APBA1: variants seen among roughly 807,000 people sequenced by gnomAD.
APBA1 encodes amyloid-beta A4 precursor protein-binding family A member 1.
A neutral mutation model predicts 86.6 loss-of-function variants in APBA1; 55 were observed. The ratio of observed to expected loss-of-function variants is 0.64; its 90% CI spans 0.51 to 0.80. The LOEUF (loss-of-function observed/expected upper bound fraction) is 0.80. Among genes scored for constraint, APBA1 ranks in the 30% least tolerant of loss-of-function variants. The pLI is 0.00. For synonymous variants in APBA1, 511 were observed against 493.9 expected, an observed-to-expected ratio of 1.03 and a Z score of -0.46; for missense variants, 1,090 against 1,183.0, an observed-to-expected ratio of 0.92 and a Z score of 1.15.
Position 69,456,264 on chromosome 9 carries a change from C to T in APBA1, c.1771G>A (p.Val591Ile), listed in dbSNP as rs751164226. 1.3e-4 allele frequency: 216 copies of T among 1,614,110 alleles called. No individual in the cohort carries two copies. The highest frequency in any genetic ancestry group is 4.3e-4 in the South Asian group (39 of 91,084). ...GKRQYKMICH[V>I]FESEDAQLIA... ...ACCCTTACATCCTCAGACTCGAAGA[C>T]GTGGCAGATCATCTTGTACTGCCTT... The change falls in exon 8 of 13, where the codon GTC (valine) becomes ATC (isoleucine). Residue 591 changes from valine (V) to isoleucine (I), a missense_variant. Val to Ile is a conservative substitution (Grantham distance 29). Coordinates refer to ENST00000265381, the MANE Select transcript of APBA1 (RefSeq NM_001163.4).
intron 2 of APBA1, among the ~76,000 whole-genome samples, chr9:69,510,460 T>C (rs1836015263): frequency 7.3e-6 from 1 of 137,402 alleles, no homozygotes; most frequent in Non-Finnish European, 1.6e-5. Flanking sequence ...TGCTCATGGG[T>C]AGGAAGAATC....
chr9:69,488,063 C>A (rs1248479351), intron 2 of APBA1, among the ~76,000 whole-genome samples: 1 of 152,066 alleles, frequency 6.6e-6, no homozygotes, highest in African/African-American at 2.4e-5. Context: ...TTTCTCAAAC[C>A]AGCTGCTGAC....
chr9:69,525,488 T>C (rs1836327816), intron 1 of APBA1, among the ~76,000 whole-genome samples: 1 of 151,830 alleles, frequency 6.6e-6, no homozygotes, highest in Non-Finnish European at 1.5e-5. Flanking sequence ...CAAATACCTG[T>C]GCCCCCCACC....
intron 1 of APBA1, among the ~76,000 whole-genome samples, chr9:69,661,496 T>C (rs1038016039): frequency 4.6e-5 from 7 of 152,202 alleles, no homozygotes; most frequent in African/African-American, 1.7e-4. Context: ...TCACTGTTGA[T>C]GGCTAATTAT....
intron 1 of APBA1, among the ~76,000 whole-genome samples, chr9:69,611,285 G>GAAAAAAAAAAAAAAAAAAAAAAAA (rs56357426): frequency 1.8e-5 from 2 of 111,912 alleles, no homozygotes; most frequent in Non-Finnish European, 1.8e-5. Flanking sequence ...ACCAGAAAAG[G>GAAAAAAAAAAAAAAAAAAAAAAAA]AAAAAAAAAA....
chr9:69,502,425 C>G (rs781131613), intron 2 of APBA1, among the ~76,000 whole-genome samples: 12 of 150,338 alleles, frequency 8.0e-5, no homozygotes, highest in Non-Finnish European at 1.6e-4. Context: ...GTTTTTTTTT[C>G]CTTGATTGAA....
At chr9:69,625,900 A>C (rs1213394187) in intron 1 of APBA1, among the ~76,000 whole-genome samples, 1 of 152,162 alleles carries the variant, frequency 6.6e-6, no homozygotes, top group East Asian at 1.9e-4. Context: ...TTAATTCTTA[A>C]GCACATTCTT....
At chr9:69,541,760 A>G (rs1836617631) in intron 1 of APBA1, among the ~76,000 whole-genome samples, 1 of 152,184 alleles carries the variant, frequency 6.6e-6, no homozygotes, top group South Asian at 2.1e-4. Context: ...AAAGGTTCCC[A>G]ATAAAAAGAG....
chr9:69,618,364 T>G (rs1363150743), intron 1 of APBA1, among the ~76,000 whole-genome samples: 2 of 152,340 alleles, frequency 1.3e-5, no homozygotes, highest in East Asian at 3.9e-4. Flanking sequence ...TTAGTGTGTT[T>G]GCGCGATGCA....
At chr9:69,651,918 A>G (rs139147213) in intron 1 of APBA1, among the ~76,000 whole-genome samples, 69 of 152,350 alleles carry the variant, frequency 4.5e-4, no homozygotes, top group African/African-American at 1.6e-3. Flanking sequence ...CAAACCCCCA[A>G]TGTGACTGCA....
chr9:69,572,956 GA>G (rs1159896324), intron 1 of APBA1, among the ~76,000 whole-genome samples: 1 of 152,110 alleles, frequency 6.6e-6, no homozygotes, highest in Admixed American at 6.5e-5. Context: ...GGGGTGGGGA[GA>G]GGTATTTATA....
At chr9:69,481,700 A>G (rs1388900805) in intron 2 of APBA1, among the ~76,000 whole-genome samples, 1 of 150,960 alleles carries the variant, frequency 6.6e-6, no homozygotes, top group East Asian at 1.9e-4. Context: ...TGGAGGCATC[A>G]CAATACCTGA....
chr9:69,522,336 C>G (rs941550079), intron 1 of APBA1, among the ~76,000 whole-genome samples: 2 of 140,476 alleles, frequency 1.4e-5, no homozygotes, highest in Non-Finnish European at 3.1e-5. Context: ...GCCTTATAGA[C>G]TTCTAGACAT....
At position 69,658,270 on chromosome 9, in the gene APBA1, TTCTTTCTTTCTTTC is replaced by T. The variant is rs1236602499; in HGVS notation, c.-70+13869_-70+13882del. ...TTTCTTTCTTTCTTTCTTTCTTTCT[TTCTTTCTTTCTTTC>T]TCTCTCTCTTTCTCTCTCTCTCTTT... On this transcript the variant is annotated intron_variant, in intron 1 of 12. Transcript: ENST00000265381. Among the ~76,000 whole-genome samples the T allele has an allele frequency of 2.3e-3, 186 of 79,600 alleles. 6 individuals are homozygous for T. The highest frequency in any genetic ancestry group is 8.1e-3 in the African/African-American group (177 of 21,780). The allele number at this position is 79,600 out of a possible 152,430, so 52.2% of individuals were successfully genotyped here.
chr9:69,646,633 C>G (rs1211601593), intron 1 of APBA1, among the ~76,000 whole-genome samples: 3 of 152,210 alleles, frequency 2.0e-5, no homozygotes, highest in Non-Finnish European at 4.4e-5. Flanking sequence ...AGGGGGCATT[C>G]TGGTCTGCTC....
chr9:69,460,076 G>T (rs545707254), intron 5 of APBA1, among the ~76,000 whole-genome samples: 1 of 152,168 alleles, frequency 6.6e-6, no homozygotes, highest in East Asian at 1.9e-4. Flanking sequence ...AAGCTCCTCT[G>T]CTCTCAGCAG....
intron 2 of APBA1, among the ~76,000 whole-genome samples, chr9:69,511,083 A>C (rs1333848044): frequency 6.6e-6 from 1 of 151,976 alleles, no homozygotes; most frequent in African/African-American, 2.4e-5. Flanking sequence ...GGATCTAATT[A>C]AACTAAAGAG....
chr9:69,595,016 A>G (rs12115441), intron 1 of APBA1, among the ~76,000 whole-genome samples: 14,585 of 152,258 alleles, frequency 0.096, 760 homozygotes, highest in East Asian at 0.13. Context: ...AGATTGGCAC[A>G]AAGTAAACCA....
Position 69,476,116 on chromosome 9 carries a change from A to C in APBA1, c.1228T>G (p.Leu410Val). ...GATGTGCTTGATGACTCTGCACCCA[A>C]GGGGGAGGAGCTGCCAGGAGACGGA... ...DSPSPGSSSP[L>V]GAESSSTSLH... The change falls in exon 3 of 13, where the codon TTG (leucine) becomes GTG (valine). Residue 410 changes from leucine (L) to valine (V), a missense_variant. By Grantham distance (32) the Leu-to-Val change is conservative. Transcript: ENST00000265381. 1.9e-6 allele frequency: 3 copies of C among 1,613,964 alleles called. No individual in the cohort carries two copies. Among genetic ancestry groups the C allele is most frequent in the Non-Finnish European group, 2.5e-6 (3 of 1,179,946 alleles).
Sources: gnomAD v4.1 joint callset for allele counts (sites outside exome capture counted in the v4.1 genomes callset) on GRCh38, gnomAD v4.1.1 for gene constraint, MANE v1.5 for transcripts, NCBI Gene and HGNC (gene_info 2026-07-23, HGNC 2026-07-21) for gene names.